The following FMO5 variants were observed in gnomAD, a reference collection of about 807,000 sequenced individuals.
The protein encoded by FMO5 is flavin containing dimethylaniline monoxygenase 5.
Under a neutral mutation model 43.6 loss-of-function variants are expected in FMO5, and 51 were observed. The ratio of observed to expected loss-of-function variants is 1.17; its 90% CI spans 0.93 to 1.48. The LOEUF is 1.48. Ranked by LOEUF, FMO5 falls within the 40% of genes most tolerant of loss-of-function variation. The probability of loss-of-function intolerance (pLI) is 0.00; values close to 1 mark genes in which losing one functional copy is unlikely to be tolerated. For missense variants in FMO5, 644 were observed against 643.0 expected, an observed-to-expected ratio of 1.00 and a Z score of -0.02; for synonymous variants, 187 against 216.5, an observed-to-expected ratio of 0.86 and a Z score of 1.20.
At chr1:147,198,280 A>G (rs2101804046) in intron 7 of FMO5, among the ~76,000 whole-genome samples, 1 of 152,254 alleles carries the variant, frequency 6.6e-6, no homozygotes, top group East Asian at 1.9e-4. Flanking sequence ...TTTATTAGAT[A>G]CCTCTTATGT....
intron 5 of FMO5, chr1:147,210,846 A>G (rs1660957441): frequency 6.6e-6 from 1 of 152,230 alleles, no homozygotes; most frequent in Admixed American, 6.5e-5. Flanking sequence ...AATCAGATTT[A>G]TAAGGAAAAT....
intron 6 of FMO5, among the ~76,000 whole-genome samples, chr1:147,205,302 T>C (rs1240681619): frequency 6.6e-6 from 1 of 152,176 alleles, no homozygotes; most frequent in East Asian, 1.9e-4. Context: ...AAAAATATCT[T>C]TATAGTGGAG....
chr1:147,188,824 T>G (rs2101695203), intron 8 of FMO5, among the ~76,000 whole-genome samples: 1 of 149,918 alleles, frequency 6.7e-6, no homozygotes, highest in East Asian at 1.9e-4. Context: ...CAGGAGGTGG[T>G]TAGACAAAAA....
intron 6 of FMO5, among the ~76,000 whole-genome samples, chr1:147,206,913 C>T (rs1396797685): frequency 6.6e-6 from 1 of 151,410 alleles, no homozygotes; most frequent in East Asian, 1.9e-4. Context: ...TGCACATGTA[C>T]CCTAGAACTT....
At position 147,224,827 on chromosome 1, in the gene FMO5, A is replaced by G. The variant is rs1663735470; in HGVS notation, c.135+68T>C. 3 of 1,513,070 alleles carry G rather than the reference A, an allele frequency of 2.0e-6. No individual in the cohort carries two copies. In the East Asian group the frequency reaches 6.8e-5, roughly 34 times the overall value. The allele number at this position is 1,513,070 out of a possible 1,614,324, so 93.7% of individuals were successfully genotyped here. ...CGCCCGGCCACCTGACACTGTTAAG[A>G]TAAACTGTCGTATGCACCTAGTTGC... On this transcript the variant is annotated intron_variant, in intron 2 of 8. Coordinates refer to ENST00000254090, the MANE Select transcript of FMO5 (RefSeq NM_001461.4).
chr1:147,194,130 G>GC (rs1216336885), intron 7 of FMO5, among the ~76,000 whole-genome samples: 3 of 152,100 alleles, frequency 2.0e-5, no homozygotes, highest in Non-Finnish European at 4.4e-5. Flanking sequence ...CATTATTATT[G>GC]CGTGGGAGTC....
chr1:147,208,762 G>T (rs1004354943), intron 6 of FMO5, 90 bp downstream of exon 6: 8 of 1,057,124 alleles, frequency 7.6e-6, no homozygotes, highest in Middle Eastern at 2.1e-4. Flanking sequence ...TTAATGTATG[G>T]GTAGAGGTGG....
intron 7 of FMO5, among the ~76,000 whole-genome samples, chr1:147,196,012 C>T (rs1014610736): frequency 1.3e-5 from 2 of 152,108 alleles, no homozygotes; most frequent in Non-Finnish European, 2.9e-5. Context: ...TTTCTGGAGC[C>T]ACAGAGTTTA....
At chr1:147,203,905 T>G in intron 6 of FMO5, 3 of 1,568,616 alleles carry the variant, frequency 1.9e-6, no homozygotes, top group Non-Finnish European at 2.6e-6. Context: ...AGTGTCCCAT[T>G]TCTTCAAGGA....
chr1:147,213,704 A>G (rs1162532036), intron 3 of FMO5, among the ~76,000 whole-genome samples: 1 of 152,190 alleles, frequency 6.6e-6, no homozygotes, highest in East Asian at 1.9e-4. Flanking sequence ...CTCCTCTTCT[A>G]GAAAAGTGCA....
intron 2 of FMO5, among the ~76,000 whole-genome samples, chr1:147,217,990 A>G (rs1359663242): frequency 6.6e-6 from 1 of 152,238 alleles, no homozygotes; most frequent in Admixed American, 6.5e-5. Flanking sequence ...AGAAAGGGAT[A>G]TACAGAATAA....
In FMO5 at chr1:147,213,369, A is replaced by C; in HGVS notation, c.426T>G (p.Asp142Glu). Residue 142 changes from aspartate (D) to glutamate (E), a missense_variant, in exon 4 of 9, where the codon GAT (aspartate) becomes GAG (glutamate). Coordinates refer to ENST00000254090, the MANE Select transcript of FMO5 (RefSeq NM_001461.4). ...SEGKKEMNVF[D>E]GVMVCTGHHT... ...GATGGCCAGTGCAAACCATGACTCC[A>C]TCAAAGACATTCATCTCCTTTTTCC... 6.2e-7 allele frequency: 1 copy of C among 1,613,790 alleles called. No homozygotes were observed. The highest frequency in any genetic ancestry group is 1.3e-5 in the African/African-American group (1 of 75,018).
At chr1:147,222,324 C>T (rs587596406) in intron 2 of FMO5, among the ~76,000 whole-genome samples, 7 of 152,188 alleles carry the variant, frequency 4.6e-5, no homozygotes, top group East Asian at 1.9e-4. Context: ...GCTGAGATCA[C>T]GCCACTATAC....
At chr1:147,190,153 T>C in intron 8 of FMO5, 24 bp downstream of exon 8, 2 of 1,482,138 alleles carry the variant, frequency 1.3e-6, no homozygotes, top group Non-Finnish European at 9.4e-7. Context: ...TGTAACCATA[T>C]ATCTTCCTGG....
intron 6 of FMO5, chr1:147,204,936 C>T: frequency 6.5e-7 from 1 of 1,548,584 alleles, no homozygotes; most frequent in Non-Finnish European, 8.9e-7. Context: ...GCGCCATGGC[C>T]AGCCTGCAGG....
intron 7 of FMO5, among the ~76,000 whole-genome samples, chr1:147,193,250 G>T (rs1317920210): frequency 6.6e-6 from 1 of 152,124 alleles, no homozygotes; most frequent in African/African-American, 2.4e-5. Context: ...GGGTGTATGT[G>T]TTGAGGAATT....
At position 147,199,763 on chromosome 1, in the gene FMO5, T is replaced by C. The variant is rs115192833; in HGVS notation, c.1183+1389A>G. 7.3e-3 allele frequency among the ~76,000 whole-genome samples: 1,108 copies of C among 152,292 alleles called. 12 individuals carry two copies. Among genetic ancestry groups the C allele is most frequent in the African/African-American group, 0.025 (1,042 of 41,540 alleles). The stretch of plus-strand genomic sequence containing the variant: ...CTCAGGTAGTACATAATCTGCTGGA[T>C]AGGACTGGAAGTAATAGAAATTTGG... On this transcript the variant is annotated intron_variant, in intron 7 of 8. Transcript: ENST00000254090.
intron 8 of FMO5, among the ~76,000 whole-genome samples, chr1:147,188,975 C>T (rs1553917844): frequency 6.6e-6 from 1 of 152,064 alleles, no homozygotes; most frequent in Non-Finnish European, 1.5e-5. Flanking sequence ...CACAGGTGAC[C>T]TTTAAGAGAG....
intron 6 of FMO5, 148 bp downstream of exon 6, chr1:147,208,704 G>T: frequency 1.6e-6 from 1 of 614,396 alleles, no homozygotes; most frequent in Non-Finnish European, 2.9e-6. Context: ...CTCCCAGAGT[G>T]CTGGGATTAC....
Sources: gnomAD v4.1 joint callset for allele counts (sites outside exome capture counted in the v4.1 genomes callset) on GRCh38, gnomAD v4.1.1 for gene constraint, MANE v1.5 for transcripts, NCBI Gene and HGNC (gene_info 2026-07-23, HGNC 2026-07-21) for gene names.